The following ANO10 variants were observed in gnomAD, a reference collection of about 807,000 sequenced individuals.
The protein encoded by ANO10 is anoctamin 10.
In ANO10, 77 loss-of-function variants were observed where a neutral mutation model predicts 74.7. The ratio of observed to expected loss-of-function variants is 1.03; its 90% CI spans 0.86 to 1.25. The LOEUF (loss-of-function observed/expected upper bound fraction) is 1.25. Among genes scored for constraint, ANO10 ranks in the 50% most tolerant of loss-of-function variants. The pLI, the probability that ANO10 is intolerant of heterozygous loss-of-function variation, is 0.00. For missense variants in ANO10, 721 were observed against 778.1 expected (o/e 0.93, Z 0.87); for synonymous variants, 279 against 284.9 (o/e 0.98, Z 0.21).
At chr3:43,679,688 C>T (rs947631821) in intron 1 of ANO10, among the ~76,000 whole-genome samples, 2 of 152,182 alleles carry the variant, frequency 1.3e-5, no homozygotes, top group African/African-American at 4.8e-5. Context: ...GGAGGCATCC[C>T]CCAGTAGGGG....
intron 12 of ANO10, among the ~76,000 whole-genome samples, chr3:43,423,471 A>C (rs148422184): frequency 1.3e-5 from 2 of 152,310 alleles, no homozygotes; most frequent in East Asian, 3.9e-4. Context: ...GCAGCTCACA[A>C]GGGAGACTGA....
chr3:43,652,699 G>T (rs980028562), intron 1 of ANO10, among the ~76,000 whole-genome samples: 2 of 152,004 alleles, frequency 1.3e-5, no homozygotes, highest in African/African-American at 2.4e-5. Context: ...GTTACTAGAA[G>T]AAAGTATAGT....
chr3:43,681,665 C>A (rs1181359655), intron 1 of ANO10, among the ~76,000 whole-genome samples: 1 of 152,146 alleles, frequency 6.6e-6, no homozygotes, highest in African/African-American at 2.4e-5. Flanking sequence ...CCAAAATTGA[C>A]CACATAGTTG....
chr3:43,420,521 AAAAG>A (rs149724036), intron 12 of ANO10, among the ~76,000 whole-genome samples: 3,663 of 152,238 alleles, frequency 0.024, 158 homozygotes, highest in African/African-American at 0.084. Flanking sequence ...AAGAAAAGGA[AAAAG>A]AAAGGAAAGG....
intron 1 of ANO10, among the ~76,000 whole-genome samples, chr3:43,618,926 C>G (rs558499341): frequency 6.6e-6 from 1 of 152,114 alleles, no homozygotes; most frequent in African/African-American, 2.4e-5. Context: ...CTCAGCCTCC[C>G]GAGTAGCTGG....
intron 12 of ANO10, among the ~76,000 whole-genome samples, chr3:43,407,826 A>G (rs556757414): frequency 7.5e-4 from 115 of 152,334 alleles, no homozygotes; most frequent in African/African-American, 2.5e-3. Flanking sequence ...AAAAGAACAC[A>G]GGGTGTTCTA....
chr3:43,488,032 G>A (rs2076566507), intron 11 of ANO10, among the ~76,000 whole-genome samples: 1 of 152,114 alleles, frequency 6.6e-6, no homozygotes, highest in Admixed American at 6.6e-5. Flanking sequence ...ACAACTATCT[G>A]ATCTTTGAAA....
chr3:43,430,239 T>A (rs2092960521), intron 12 of ANO10, among the ~76,000 whole-genome samples: 1 of 152,132 alleles, frequency 6.6e-6, no homozygotes, highest in African/African-American at 2.4e-5. Context: ...TTTTCCAGTT[T>A]GTCCAATTTA....
chr3:43,534,932 C>T (rs745438295), intron 11 of ANO10, among the ~76,000 whole-genome samples: 2 of 152,044 alleles, frequency 1.3e-5, no homozygotes, highest in African/African-American at 4.8e-5. Context: ...TCACTAAGCA[C>T]ACTCAGAGCT....
chr3:43,558,331 G>A (rs971405483), intron 9 of ANO10, among the ~76,000 whole-genome samples: 1 of 151,956 alleles, frequency 6.6e-6, no homozygotes, highest in Non-Finnish European at 1.5e-5. Flanking sequence ...TGGAATAGTC[G>A]TCATGAAAAT....
chr3:43,680,098 C>T (rs1206652603), intron 1 of ANO10, among the ~76,000 whole-genome samples: 7 of 152,112 alleles, frequency 4.6e-5, no homozygotes, highest in East Asian at 1.9e-4. Context: ...ATGACTTTGA[C>T]GAGTTGAGAG....
intron 7 of ANO10, among the ~76,000 whole-genome samples, chr3:43,565,957 G>C (rs1358876078): frequency 6.6e-6 from 1 of 152,144 alleles, no homozygotes. Context: ...CCAGACAGTG[G>C]ACGCAGGTCA....
chr3:43,514,234 T>C (rs987229140), intron 11 of ANO10, among the ~76,000 whole-genome samples: 2 of 152,040 alleles, frequency 1.3e-5, no homozygotes, highest in Non-Finnish European at 2.9e-5. Context: ...TAATGATATG[T>C]TGCCAAAAGA....
At chr3:43,544,524 G>T (rs1445464852) in intron 11 of ANO10, among the ~76,000 whole-genome samples, 1 of 152,146 alleles carries the variant, frequency 6.6e-6, no homozygotes, top group African/African-American at 2.4e-5. Flanking sequence ...TGGGTATGGT[G>T]GTTCACACCT....
At chr3:43,681,085 C>A (rs1489088313) in intron 1 of ANO10, among the ~76,000 whole-genome samples, 6 of 152,036 alleles carry the variant, frequency 3.9e-5, no homozygotes, top group East Asian at 1.9e-4. Context: ...ACAATATTAA[C>A]CTTAAATGTA....
chr3:43,476,093 G>C (rs1266157378), intron 11 of ANO10, among the ~76,000 whole-genome samples: 2 of 152,000 alleles, frequency 1.3e-5, no homozygotes, highest in Non-Finnish European at 2.9e-5. Flanking sequence ...TTGATACACT[G>C]TTTGCTCATA....
At chr3:43,387,177 G>A (rs1194871023) in intron 12 of ANO10, among the ~76,000 whole-genome samples, 4 of 152,176 alleles carry the variant, frequency 2.6e-5, no homozygotes, top group Non-Finnish European at 5.9e-5. Flanking sequence ...TGCCCAGCAC[G>A]TTACTGTACT....
chr3:43,576,865 A>C lies in ANO10; in HGVS notation c.989T>G (p.Leu330Arg), dbSNP rs1024962328. 3.1e-6 allele frequency: 5 copies of C among 1,614,110 alleles called. No individual in the cohort carries two copies. The African/African-American group carries it at 6.7e-5, about 22-fold the overall frequency. Residue 330 changes from leucine (L) to arginine (R), a missense_variant, in exon 6 of 13, where the codon CTG becomes CGG. Leu to Arg is a moderately radical substitution (Grantham distance 102, BLOSUM62 -2). Transcript: ENST00000292246. Reference sequence around the variant, plus strand: ...GTCGAAGTAAATCATCATGACATACAGTGAGAAATAGAGGCAGAGGCACAC... The same window carrying C: ...GTCGAAGTAAATCATCATGACATACCGTGAGAAATAGAGGCAGAGGCACAC... ...PFVCLCLYFS[L>R]YVMMIYFDME...
At chr3:43,573,717 C>G (rs2080855059) in intron 7 of ANO10, among the ~76,000 whole-genome samples, 1 of 152,108 alleles carries the variant, frequency 6.6e-6, no homozygotes, top group African/African-American at 2.4e-5. Context: ...TTTTAACAAA[C>G]AGCAAGCAGG....
Sources: allele counts gnomAD v4.1 joint callset (sites outside exome capture counted in the v4.1 genomes callset), GRCh38; gene constraint gnomAD v4.1.1; transcripts MANE v1.5; gene names NCBI Gene and HGNC (gene_info 2026-07-23, HGNC 2026-07-21).